Variants in DLG2 observed in about 807,000 individuals in gnomAD.
The protein encoded by DLG2 is disks large homolog 2.
DLG2 carries 45 observed loss-of-function variants against 132.5 expected under a neutral mutation model. The ratio of observed to expected loss-of-function variants is 0.34; its 90% CI spans 0.27 to 0.44. DLG2 has a LOEUF of 0.44. Ranked by LOEUF, DLG2 falls within the 20% of genes least tolerant of loss-of-function variation. The probability of loss-of-function intolerance (pLI) is 1.00; values close to 1 mark genes in which losing one functional copy is unlikely to be tolerated. For missense variants in DLG2, 1,045 were observed against 1,196.9 expected, an observed-to-expected ratio of 0.87 and a Z score of 1.87; for synonymous variants, 424 against 419.6, an observed-to-expected ratio of 1.01 and a Z score of -0.13.
Position 85,245,855 on chromosome 11 carries a change from A to G in DLG2, c.186+39365T>C, listed in dbSNP as rs534635993. 2.0e-5 allele frequency among the ~76,000 whole-genome samples: 3 copies of G among 152,050 alleles called. No homozygotes were observed. The South Asian group carries it at 6.2e-4, about 32-fold the overall frequency. On this transcript the variant is annotated intron_variant, in intron 4 of 27. Coordinates refer to ENST00000376104, the MANE Select transcript of DLG2 (RefSeq NM_001142699.3). ...GCTTTTCCTAAAATGCATAAGGCAC[A>G]TTTTGTTGGACTTTTAGATTAGTTG...
At position 84,760,762 on chromosome 11, in the gene DLG2, G is replaced by A. The variant is rs138438739; in HGVS notation, c.358-226031C>T. 3.5e-3 allele frequency among the ~76,000 whole-genome samples: 533 copies of A among 152,280 alleles called. 1 individual carries two copies. Among genetic ancestry groups the A allele is most frequent in the Non-Finnish European group, 6.0e-3 (409 of 68,018 alleles). On this transcript the variant is annotated intron_variant, in intron 6 of 27. Transcript: ENST00000376104. ...GGAGACAGGAAAATACTGATTAGAA[G>A]AGGGCAGTTCCCCAGCAAAGGTGGA... is the stretch of plus-strand genomic sequence containing the variant.
chr11:83,616,262 G>C (rs1164840019), intron 19 of DLG2, among the ~76,000 whole-genome samples: 1 of 152,088 alleles, frequency 6.6e-6, no homozygotes, highest in Non-Finnish European at 1.5e-5. Context: ...TATATACCTA[G>C]GGATAGATCA....
intron 8 of DLG2, among the ~76,000 whole-genome samples, chr11:84,168,431 G>C (rs1174221684): frequency 1.3e-5 from 2 of 152,166 alleles, no homozygotes; most frequent in African/African-American, 4.8e-5. Flanking sequence ...TTAGCATCTA[G>C]CACTACAATT....
intron 6 of DLG2, among the ~76,000 whole-genome samples, chr11:84,999,366 T>C (rs1189676660): frequency 1.3e-5 from 2 of 152,136 alleles, no homozygotes; most frequent in Admixed American, 1.3e-4. Flanking sequence ...TTATTACATG[T>C]TTTAAAGTTG....
In DLG2 at chr11:84,803,188, G is replaced by T. The variant is rs139312270; in HGVS notation, c.358-268457C>A. 3.9e-5 allele frequency among the ~76,000 whole-genome samples: 6 copies of T among 152,256 alleles called. No homozygotes were observed. In the East Asian group the frequency reaches 1.2e-3, roughly 29 times the overall value. The stretch of plus-strand genomic sequence containing the variant: ...ATGAAATATACATAAAGAATATAAT[G>T]CAGTGTAGAATATATTGTAGATGCT... On this transcript the variant is annotated intron_variant, in intron 6 of 27. Coordinates refer to ENST00000376104, the MANE Select transcript of DLG2 (RefSeq NM_001142699.3).
At chr11:84,480,465 G>C (rs1049445042) in intron 7 of DLG2, among the ~76,000 whole-genome samples, 6 of 151,974 alleles carry the variant, frequency 3.9e-5, no homozygotes, top group African/African-American at 1.4e-4. Context: ...AAGAAGAGCT[G>C]GCCCTGTAGA....
At chr11:84,417,129 T>C (rs1474636888) in intron 7 of DLG2, among the ~76,000 whole-genome samples, 1 of 152,180 alleles carries the variant, frequency 6.6e-6, no homozygotes, top group Non-Finnish European at 1.5e-5. Context: ...GTAAGGGCTC[T>C]GTGATTAGTT....
intron 6 of DLG2, among the ~76,000 whole-genome samples, chr11:85,005,254 T>G (rs563237354): frequency 6.6e-6 from 1 of 152,366 alleles, no homozygotes; most frequent in Admixed American, 6.5e-5. Context: ...CTTTTTCTAA[T>G]TCTGTGAAGA....
At chr11:85,578,953 T>A (rs148461155) in intron 3 of DLG2, among the ~76,000 whole-genome samples, 119 of 152,286 alleles carry the variant, frequency 7.8e-4, no homozygotes, top group Non-Finnish European at 1.4e-3. Flanking sequence ...GTAACACTAT[T>A]CACAATAGGA....
intron 4 of DLG2, among the ~76,000 whole-genome samples, chr11:85,262,682 C>A (rs1185698923): frequency 1.3e-5 from 2 of 152,192 alleles, no homozygotes; most frequent in East Asian, 1.9e-4. Flanking sequence ...TGCACACTTA[C>A]ACATAGACAT....
intron 18 of DLG2, among the ~76,000 whole-genome samples, chr11:83,784,519 T>C (rs1157616777): frequency 6.6e-6 from 1 of 152,238 alleles, no homozygotes; most frequent in African/African-American, 2.4e-5. Flanking sequence ...TTTGGCATTT[T>C]GTAAAAAGCT....
chr11:85,272,164 C>T (rs1205034657), intron 4 of DLG2, among the ~76,000 whole-genome samples: 1 of 152,088 alleles, frequency 6.6e-6, no homozygotes, highest in Admixed American at 6.5e-5. Flanking sequence ...TCTCACAAGA[C>T]TTGATGGTTT....
At chr11:84,173,896 C>T (rs1476775893) in intron 8 of DLG2, among the ~76,000 whole-genome samples, 3 of 152,012 alleles carry the variant, frequency 2.0e-5, no homozygotes, top group African/African-American at 7.2e-5. Context: ...CTCCTCCCTA[C>T]TGCTCTGTCC....
chr11:85,271,627 T>C (rs1321050372), intron 4 of DLG2, among the ~76,000 whole-genome samples: 1 of 152,190 alleles, frequency 6.6e-6, no homozygotes, highest in Non-Finnish European at 1.5e-5. Context: ...CCCAAAACCA[T>C]GGGGACCCAG....
At chr11:84,691,716 C>A (rs1314216580) in intron 6 of DLG2, among the ~76,000 whole-genome samples, 1 of 150,820 alleles carries the variant, frequency 6.6e-6, no homozygotes, top group Non-Finnish European at 1.5e-5. Flanking sequence ...CATGTATATA[C>A]GTGTTACTTT....
chr11:85,378,037 G>A (rs1424462495), intron 3 of DLG2, among the ~76,000 whole-genome samples: 1 of 151,624 alleles, frequency 6.6e-6, no homozygotes. Flanking sequence ...TTTCTTCATG[G>A]GACAACATTT....
intron 3 of DLG2, among the ~76,000 whole-genome samples, chr11:85,382,567 G>A (rs1028518330): frequency 1.3e-4 from 19 of 151,980 alleles, no homozygotes; most frequent in African/African-American, 2.7e-4. Flanking sequence ...GCAACCCACC[G>A]ATGAAAAATA....
intron 6 of DLG2, among the ~76,000 whole-genome samples, chr11:85,087,957 A>G (rs349066): frequency 3.3e-5 from 5 of 152,246 alleles, no homozygotes; most frequent in South Asian, 2.1e-4. Flanking sequence ...TGTTTTAAGA[A>G]AGGAAAAAGG....
intron 22 of DLG2, among the ~76,000 whole-genome samples, chr11:83,480,078 G>GACA (rs2092974831): frequency 6.6e-6 from 1 of 152,026 alleles, no homozygotes; most frequent in Non-Finnish European, 1.5e-5. Context: ...CCACCACGTT[G>GACA]AACTTTTTAC....
Sources: allele counts gnomAD v4.1 joint callset (sites outside exome capture counted in the v4.1 genomes callset), GRCh38; gene constraint gnomAD v4.1.1; transcripts MANE v1.5; gene names NCBI Gene and HGNC (gene_info 2026-07-23, HGNC 2026-07-21).